KNOP1: variants seen among roughly 807,000 people sequenced by gnomAD.
The protein encoded by KNOP1 is lysine rich nucleolar protein 1, also known as lysine-rich nucleolar protein 1.
KNOP1 carries 20 observed loss-of-function variants against 30.6 expected under a neutral mutation model. The ratio of observed to expected loss-of-function variants is 0.65; its 90% CI spans 0.46 to 0.95. The LOEUF (loss-of-function observed/expected upper bound fraction) is 0.95. KNOP1 is among the 40% of genes least tolerant of loss of function. KNOP1 has a pLI of 0.00. For synonymous variants in KNOP1, 204 were observed against 210.0 expected, an observed-to-expected ratio of 0.97 and a Z score of 0.25; for missense variants, 540 against 562.0, an observed-to-expected ratio of 0.96 and a Z score of 0.40.
chr16:19,712,742 G>GCCGGACACTGTCTGGA (rs1342665869), intron 2 of KNOP1, among the ~76,000 whole-genome samples: 2 of 152,218 alleles, frequency 1.3e-5, no homozygotes, highest in African/African-American at 2.4e-5. Context: ...ACACGGAAGG[G>GCCGGACACTGTCTGGA]CCGGACACTG....
rs1460840943 is a variant in KNOP1 at position 19,718,177 on chromosome 16, G to A, written c.-22C>T. 6.8e-7 allele frequency: 1 copy of A among 1,481,348 alleles called. No individual in the cohort carries two copies. The highest frequency in any genetic ancestry group is 8.9e-7 in the Non-Finnish European group (1 of 1,120,634). 91.8% of individuals were successfully genotyped at this position (1,481,348 alleles called of 1,614,324 possible). A position where few individuals can be genotyped will look rare whatever the true frequency, so the allele number is the denominator to read the frequency against. The stretch of plus-strand genomic sequence containing the variant: ...ACTCACCGGTGGGCGAAATTTCCCC[G>A]CCTCCACGTGAGAGCCAGCTCCGCC... On this transcript the variant is annotated 5_prime_UTR_variant, in exon 1 of 5. Transcript: ENST00000219837.
chr16:19,714,644 G>A lies in KNOP1; in HGVS notation c.392C>T (p.Thr131Ile). 6.2e-7 allele frequency: 1 copy of A among 1,614,060 alleles called. No homozygotes were observed. Among genetic ancestry groups the A allele is most frequent in the Non-Finnish European group, 8.5e-7 (1 of 1,180,012 alleles). The change falls in exon 2 of 5, where the codon ACC becomes ATC. Residue 131 changes from threonine to isoleucine, a missense_variant. Physicochemically the swap from Thr to Ile is moderately conservative, Grantham distance 89. Coordinates refer to ENST00000219837, the MANE Select transcript of KNOP1 (RefSeq NM_001012991.3). ...LAMSHASGVK[T>I]SPDPRQGEEE... Reference sequence around the variant, plus strand: ...CTCACCCTGTCTAGGGTCTGGGGAGGTTTTCACCCCAGAGGCATGGGACAT... The same window carrying A: ...CTCACCCTGTCTAGGGTCTGGGGAGATTTTCACCCCAGAGGCATGGGACAT...
In KNOP1 at chr16:19,702,351, T is replaced by C. The variant is rs1002581638; in HGVS notation, c.*4559A>G. On this transcript the variant is annotated 3_prime_UTR_variant, in exon 5 of 5. Transcript: ENST00000219837. ...GTGATGCTATAAAATGAAAAACAAT[T>C]GGCAAATTCACAAATTATGTTCTTC... The C allele has an allele frequency of 2.0e-5, 3 of 152,248 alleles. No individual in the cohort carries two copies. The highest frequency in any genetic ancestry group is 4.4e-5 in the Non-Finnish European group (3 of 68,048). 9.4% of individuals were successfully genotyped at this position (152,248 alleles called of 1,614,324 possible).
rs1976270850 is a variant in KNOP1, at chr16:19,704,201, G to T, written c.*2709C>A. ...CCGGGTTCAAGCGATTCTCCTGTCA[G>T]CCTCCTGAGTAGCCGGGATTACAAG... On this transcript the variant is annotated 3_prime_UTR_variant, in exon 5 of 5. Transcript: ENST00000219837. 6.6e-6 allele frequency: 1 copy of T among 152,212 alleles called. No homozygotes were observed. The highest frequency in any genetic ancestry group is 1.5e-5 in the Non-Finnish European group (1 of 68,152). The allele number at this position is 152,212 out of a possible 1,614,324, so 9.4% of individuals were successfully genotyped here. A position where few individuals can be genotyped will look rare whatever the true frequency, so the allele number is the denominator to read the frequency against.
rs1976651968 is a variant in KNOP1 at position 19,710,502 on chromosome 16, A to G, written c.1065+7T>C. 6.2e-7 allele frequency: 1 copy of G among 1,613,132 alleles called. No individual in the cohort carries two copies. Among genetic ancestry groups the G allele is most frequent in the African/African-American group, 1.3e-5 (1 of 75,026 alleles). ...ACCTCCTCGCAGAGCCCTAGCCCCAAACTTACCGTCCACTTCCTGGTTTCA... is the reference window on the plus strand; with the variant it reads ...ACCTCCTCGCAGAGCCCTAGCCCCAGACTTACCGTCCACTTCCTGGTTTCA... On this transcript the variant is annotated splice_region_variant and intron_variant, in intron 4 of 4. Transcript: ENST00000219837.
rs1354028366 is a variant in KNOP1 at position 19,702,109 on chromosome 16, G to C, written c.*4801C>G. The C allele has an allele frequency of 6.6e-6, 1 of 151,884 alleles. No homozygotes were observed. Among genetic ancestry groups the C allele is most frequent in the Non-Finnish European group, 1.5e-5 (1 of 68,058 alleles). 9.4% of individuals were successfully genotyped at this position (151,884 alleles called of 1,614,324 possible). A position where few individuals can be genotyped will look rare whatever the true frequency, so the allele number is the denominator to read the frequency against. On this transcript the variant is annotated 3_prime_UTR_variant, in exon 5 of 5. Transcript: ENST00000219837. ...AGCAATTCTCCTGCCTCAGCCTCCT[G>C]AGTAGCTGGGATAACAGGAGTGCGC... is the stretch of plus-strand genomic sequence containing the variant.
At position 19,703,828 on chromosome 16, in the gene KNOP1, G is replaced by A. The variant is rs544617667; in HGVS notation, c.*3082C>T. On this transcript the variant is annotated 3_prime_UTR_variant, in exon 5 of 5. Transcript: ENST00000219837. The stretch of plus-strand genomic sequence containing the variant: ...AAGACACCCAGCATTGTGGTGTCTT[G>A]GCTGCCCAACCTCCACTGGTGAGAC... 3.9e-5 allele frequency: 6 copies of A among 152,294 alleles called. No homozygotes were observed. Among genetic ancestry groups the A allele is most frequent in the African/African-American group, 1.4e-4 (6 of 41,564 alleles). 9.4% of individuals were successfully genotyped at this position (152,294 alleles called of 1,614,324 possible). A position where few individuals can be genotyped will look rare whatever the true frequency, so the allele number is the denominator to read the frequency against.
intron 1 of KNOP1, 26 bp downstream of exon 1, chr16:19,718,132 C>G (rs1977297678): frequency 1.4e-6 from 2 of 1,447,034 alleles, no homozygotes; most frequent in African/African-American, 2.9e-5. Context: ...CGCGCCGGCC[C>G]GCCTGCAACG....
chr16:19,710,319 G>T, intron 4 of KNOP1, 190 bp downstream of exon 4: 1 of 647,026 alleles, frequency 1.5e-6, no homozygotes. Context: ...GGAGGCAAGC[G>T]CCCTTTTCAG....
Position 19,718,158 on chromosome 16 carries a change from C to G in KNOP1, c.-3G>C, listed in dbSNP as rs1201700324. On this transcript the variant is annotated splice_region_variant and 5_prime_UTR_variant, in exon 1 of 5. Coordinates refer to ENST00000219837, the MANE Select transcript of KNOP1 (RefSeq NM_001012991.3). ...GCCTGCAACGCGCCCTGGCACTCAC[C>G]GGTGGGCGAAATTTCCCCGCCTCCA... 2.0e-6 allele frequency: 3 copies of G among 1,476,244 alleles called. No individual in the cohort carries two copies. Among genetic ancestry groups the G allele is most frequent in the African/African-American group, 1.4e-5 (1 of 71,448 alleles). 91.4% of individuals were successfully genotyped at this position (1,476,244 alleles called of 1,614,324 possible). A position where few individuals can be genotyped will look rare whatever the true frequency, so the allele number is the denominator to read the frequency against.
Position 19,706,862 on chromosome 16 carries a change from A to C in KNOP1, c.*48T>G, listed in dbSNP as rs1366747866. 6.3e-7 allele frequency: 1 copy of C among 1,580,000 alleles called. No individual in the cohort carries two copies. The highest frequency in any genetic ancestry group is 1.4e-5 in the African/African-American group (1 of 73,060). The stretch of plus-strand genomic sequence containing the variant: ...AATTTGTAATCTCCAGCATAAATGG[A>C]ATAATCAAAGCAATTGTGGCAGTTT... On this transcript the variant is annotated 3_prime_UTR_variant, in exon 5 of 5. Transcript: ENST00000219837.
chr16:19,717,044 T>C (rs373041621), intron 1 of KNOP1, among the ~76,000 whole-genome samples: 1 of 152,242 alleles, frequency 6.6e-6, no homozygotes, highest in African/African-American at 2.4e-5. Flanking sequence ...GGTTTTACTA[T>C]GTTGGCCAGG....
At chr16:19,711,864 C>G (rs566064818) in intron 2 of KNOP1, 1 of 189,656 alleles carries the variant, frequency 5.3e-6, no homozygotes, top group Non-Finnish European at 1.1e-5. Context: ...CTCTCCCACC[C>G]GCCTTGGCCC....
At chr16:19,715,579 G>C (rs982807971) in intron 1 of KNOP1, among the ~76,000 whole-genome samples, 5 of 151,654 alleles carry the variant, frequency 3.3e-5, no homozygotes, top group Admixed American at 1.3e-4. Context: ...ATCATGCCCA[G>C]CTAATTTTTT....
rs1976317183 is a variant in KNOP1 at position 19,705,427 on chromosome 16, C to T, written c.*1483G>A. On this transcript the variant is annotated 3_prime_UTR_variant, in exon 5 of 5. Coordinates refer to ENST00000219837, the MANE Select transcript of KNOP1 (RefSeq NM_001012991.3). Reference sequence around the variant, plus strand: ...GTCACATGCGACTTGGGCCACTGGACCTGGAGCTCTTTGAGGCTTGCTGTA... The same window carrying T: ...GTCACATGCGACTTGGGCCACTGGATCTGGAGCTCTTTGAGGCTTGCTGTA... 2.5e-5 allele frequency: 9 copies of T among 365,638 alleles called. No homozygotes were observed. The highest frequency in any genetic ancestry group is 1.8e-4 in the South Asian group (9 of 48,884). 22.6% of individuals were successfully genotyped at this position (365,638 alleles called of 1,614,324 possible).
rs767192599 is a variant in KNOP1, at chr16:19,706,987, G to A, written c.1300C>T (p.Leu434Phe). 1 of 1,613,924 alleles carries A rather than the reference G, an allele frequency of 6.2e-7. No individual in the cohort carries two copies. The highest frequency in any genetic ancestry group is 8.5e-7 in the Non-Finnish European group (1 of 1,180,046). ...TTGTTGGGGGCGGTGGAGAAGCCGAGGCCGGCTCCCCGGCTGTACTTCCAG... is the reference window on the plus strand; with the variant it reads ...TTGTTGGGGGCGGTGGAGAAGCCGAAGCCGGCTCCCCGGCTGTACTTCCAG... ...MSWKYSRGAG[L>F]GFSTAPNKIF... The change falls in exon 5 of 5, where the codon CTC (leucine) becomes TTC (phenylalanine). Residue 434 changes from leucine to phenylalanine, a missense_variant. By Grantham distance (22) the Leu-to-Phe change is conservative. Coordinates refer to ENST00000219837, the MANE Select transcript of KNOP1 (RefSeq NM_001012991.3).
intron 4 of KNOP1, 85 bp downstream of exon 4, chr16:19,710,423 TG>T: frequency 7.4e-7 from 1 of 1,346,746 alleles, no homozygotes; most frequent in Non-Finnish European, 1.1e-6. Context: ...TTGGTTCTCC[TG>T]CTCCACTCCT....
At chr16:19,710,870 C>A (rs570304045) in intron 3 of KNOP1, among the ~76,000 whole-genome samples, 6 of 150,472 alleles carry the variant, frequency 4.0e-5, no homozygotes, top group African/African-American at 1.5e-4. Flanking sequence ...CAAGATCACG[C>A]CACGGCACTC....
intron 1 of KNOP1, 189 bp downstream of exon 1, chr16:19,717,969 G>C (rs1464910939): frequency 7.9e-7 from 1 of 1,264,782 alleles, no homozygotes; most frequent in East Asian, 4.6e-5. Flanking sequence ...GGGGTCCCAG[G>C]GCCGGCTCTG....
Sources: gnomAD v4.1 joint callset for allele counts (sites outside exome capture counted in the v4.1 genomes callset) on GRCh38, gnomAD v4.1.1 for gene constraint, MANE v1.5 for transcripts, NCBI Gene and HGNC (gene_info 2026-07-23, HGNC 2026-07-21) for gene names.